The following ZC3H12D variants were observed in gnomAD, a reference collection of about 807,000 sequenced individuals.
The protein encoded by ZC3H12D is probable ribonuclease ZC3H12D.
Under a neutral mutation model 24.2 loss-of-function variants are expected in ZC3H12D, and 11 were observed. The observed-to-expected ratio is 0.46, with a 90% CI of 0.29 to 0.75. The LOEUF (loss-of-function observed/expected upper bound fraction) is 0.75, where lower values mean the gene tolerates loss of function less well. Ranked by LOEUF, ZC3H12D falls within the 30% of genes least tolerant of loss-of-function variation. ZC3H12D has a pLI of 0.11. For synonymous variants in ZC3H12D, 333 were observed against 341.8 expected (o/e 0.97, Z 0.28); for missense variants, 740 against 767.7 (o/e 0.96, Z 0.43).
intron 2 of ZC3H12D, among the ~76,000 whole-genome samples, chr6:149,465,340 T>TGA (rs1226488232): frequency 7.7e-6 from 1 of 130,034 alleles, no homozygotes; most frequent in Non-Finnish European, 1.6e-5. Flanking sequence ...GGTGACAGTG[T>TGA]GAGACTCTGT....
At chr6:149,473,441 C>A (rs546280856) in intron 2 of ZC3H12D, among the ~76,000 whole-genome samples, 1 of 152,190 alleles carries the variant, frequency 6.6e-6, no homozygotes, top group East Asian at 1.9e-4. Context: ...CAAAGCCAAG[C>A]GGTAGAATAA....
chr6:149,449,380 G>C lies in ZC3H12D; in HGVS notation c.*1303C>G, dbSNP rs1393960637. 1 of 152,278 alleles carries C rather than the reference G, an allele frequency of 6.6e-6. No individual in the cohort carries two copies. Among genetic ancestry groups the C allele is most frequent in the Non-Finnish European group, 1.5e-5 (1 of 68,160 alleles). 9.4% of individuals were successfully genotyped at this position (152,278 alleles called of 1,614,324 possible). On this transcript the variant is annotated 3_prime_UTR_variant, in exon 6 of 6. Coordinates refer to ENST00000409806, the MANE Select transcript of ZC3H12D (RefSeq NM_207360.3). ...GATCACTTGAATCCAGGAGTTTGAG[G>C]CTGCAGTGAGCTATGATCACACTAC...
At chr6:149,467,899 C>G (rs1273722816) in intron 2 of ZC3H12D, among the ~76,000 whole-genome samples, 2 of 152,134 alleles carry the variant, frequency 1.3e-5, no homozygotes, top group Non-Finnish European at 2.9e-5. Context: ...CCTTATTAAC[C>G]AACACTGTGA....
chr6:149,455,762 C>G lies in ZC3H12D; in HGVS notation c.680+904G>C, dbSNP rs1393421445. On this transcript the variant is annotated intron_variant, in intron 4 of 5. Coordinates refer to ENST00000409806, the MANE Select transcript of ZC3H12D (RefSeq NM_207360.3). ...CCAGAAGAAAAGATTCTGGGCTGGG[C>G]TCAGTGGCTGACACCTAAAATCTCA... Among the ~76,000 whole-genome samples, 15 of 152,168 alleles carry G rather than the reference C, an allele frequency of 9.9e-5. No homozygotes were observed. In the South Asian group the frequency reaches 3.1e-3, roughly 32 times the overall value.
rs747496600 is a variant in ZC3H12D at position 149,456,892 on chromosome 6, C to G, written c.454G>C (p.Val152Leu). The change falls in exon 4 of 6, where the codon GTG (valine) becomes CTG (leucine). Residue 152 changes from valine (V) to leucine (L), a missense_variant. Physicochemically the swap from Val to Leu is conservative, Grantham distance 32. Transcript: ENST00000409806. This position sits in a 1 kb window ranked among gnomAD's most constrained non-coding sequence, Gnocchi z 4.3. ...RADTPIREQH[V>L]LAELERQAVL... is the part of the protein sequence containing the mutation. ...GCCTGCCGCTCCAGCTCCGCCAGCACGTGCTGCTCTGAGGGCGGGGCGACG... is the reference window on the plus strand; with the variant it reads ...GCCTGCCGCTCCAGCTCCGCCAGCAGGTGCTGCTCTGAGGGCGGGGCGACG... 6.3e-7 allele frequency: 1 copy of G among 1,599,708 alleles called. No homozygotes were observed. Among genetic ancestry groups the G allele is most frequent in the Non-Finnish European group, 8.5e-7 (1 of 1,176,936 alleles).
chr6:149,454,273 C>T (rs1775945316), intron 4 of ZC3H12D, among the ~76,000 whole-genome samples: 1 of 152,226 alleles, frequency 6.6e-6, no homozygotes, highest in African/African-American at 2.4e-5. Flanking sequence ...TGAGTGAGGT[C>T]CACTTTTTAC....
intron 2 of ZC3H12D, among the ~76,000 whole-genome samples, chr6:149,472,610 G>A (rs1320491500): frequency 6.6e-6 from 1 of 152,100 alleles, no homozygotes; most frequent in East Asian, 1.9e-4. Flanking sequence ...GCAAACAGAG[G>A]ATGTGGCTTA....
Position 149,456,853 on chromosome 6 carries a change from T to A in ZC3H12D, c.493A>T (p.Thr165Ser), listed in dbSNP as rs1486689563. The A allele has an allele frequency of 6.2e-7, 1 of 1,608,318 alleles. No homozygotes were observed. Among genetic ancestry groups the A allele is most frequent in the African/African-American group, 1.3e-5 (1 of 75,036 alleles). ...TTGCCGTGCACCTTGCGGGACGGCGTGTACACCAGCACCGCCTGCCGCTCC... is the reference window on the plus strand; with the variant it reads ...TTGCCGTGCACCTTGCGGGACGGCGAGTACACCAGCACCGCCTGCCGCTCC... ...ELERQAVLVY[T>S]PSRKVHGKRL... The change falls in exon 4 of 6, where the codon ACG becomes TCG. Residue 165 changes from threonine (T) to serine (S), a missense_variant. Thr to Ser is a moderately conservative substitution (Grantham distance 58, BLOSUM62 1). Transcript: ENST00000409806. This position sits in a 1 kb window ranked among gnomAD's most constrained non-coding sequence, Gnocchi z 4.3.
rs771267621 is a variant in ZC3H12D at position 149,450,651 on chromosome 6, T to G, written c.*32A>C. 15 of 1,481,484 alleles carry G rather than the reference T, an allele frequency of 1.0e-5. No individual in the cohort carries two copies. In the South Asian group the frequency reaches 1.3e-4, roughly 13 times the overall value. 91.8% of individuals were successfully genotyped at this position (1,481,484 alleles called of 1,614,324 possible). On this transcript the variant is annotated 3_prime_UTR_variant, in exon 6 of 6. Transcript: ENST00000409806. ...ACCCGTCCAAGACGCAAGGCGAGGC[T>G]GGGCCATTCCCTGCAAGTGCGTGTT...
intron 1 of ZC3H12D, among the ~76,000 whole-genome samples, chr6:149,480,753 AC>A (rs1220241216): frequency 6.6e-6 from 1 of 151,906 alleles, no homozygotes; most frequent in Non-Finnish European, 1.5e-5. Flanking sequence ...AACAAAAAAA[AC>A]AAACAAAAAA....
chr6:149,448,063 G>C lies in ZC3H12D; in HGVS notation c.*2620C>G, dbSNP rs768224593. 6.6e-6 allele frequency: 1 copy of C among 152,100 alleles called. No individual in the cohort carries two copies. The highest frequency in any genetic ancestry group is 1.5e-5 in the Non-Finnish European group (1 of 68,044). 9.4% of individuals were successfully genotyped at this position (152,100 alleles called of 1,614,324 possible). On this transcript the variant is annotated 3_prime_UTR_variant, in exon 6 of 6. Transcript: ENST00000409806. ...TCCCAGCACTTTGGGAGGCTGAGGC[G>C]GGGATCACAAGGTCAGGAGATCGAG...
Position 149,452,534 on chromosome 6 carries a change from G to T in ZC3H12D, c.787+82C>A. Reference sequence around the variant, plus strand: ...AAGAGCCCAGGCCGCTGAGCACCAGGCCAGCGCTTTTTGACTGTGCTCCTG... The same window carrying T: ...AAGAGCCCAGGCCGCTGAGCACCAGTCCAGCGCTTTTTGACTGTGCTCCTG... On this transcript the variant is annotated intron_variant, in intron 5 of 5. Coordinates refer to ENST00000409806, the MANE Select transcript of ZC3H12D (RefSeq NM_207360.3). The surrounding 1 kb of genome is among the most constrained non-coding windows in gnomAD (Gnocchi z 4.0). 2 of 1,182,126 alleles carry T rather than the reference G, an allele frequency of 1.7e-6. No homozygotes were observed. Among genetic ancestry groups the T allele is most frequent in the Non-Finnish European group, 1.1e-6 (1 of 884,824 alleles). The allele number at this position is 1,182,126 out of a possible 1,614,324, so 73.2% of individuals were successfully genotyped here. A position where few individuals can be genotyped will look rare whatever the true frequency, so the allele number is the denominator to read the frequency against.
chr6:149,461,912 T>G lies in ZC3H12D; in HGVS notation c.364A>C (p.Arg122=). Residue 122 remains arginine (R), a synonymous_variant, in exon 3 of 6, where the codon AGG becomes CGG. Coordinates refer to ENST00000409806, the MANE Select transcript of ZC3H12D (RefSeq NM_207360.3). ...RGIKLAVDWF[R]DRGHTYIKVF... Reference sequence around the variant, plus strand: ...TTGATGTAGGTGTGTCCTCTGTCCCTGAACCAGTCAACAGCCAGCTTGATT... The same window carrying G: ...TTGATGTAGGTGTGTCCTCTGTCCCGGAACCAGTCAACAGCCAGCTTGATT... 1 of 1,610,532 alleles carries G rather than the reference T, an allele frequency of 6.2e-7. No individual in the cohort carries two copies.
intron 1 of ZC3H12D, among the ~76,000 whole-genome samples, chr6:149,476,565 T>TG: frequency 6.6e-6 from 1 of 152,156 alleles, no homozygotes; most frequent in South Asian, 2.1e-4. Flanking sequence ...CCCAATACCC[T>TG]GGGGGGCCGA....
chr6:149,483,586 G>T (rs774892959), intron 1 of ZC3H12D, among the ~76,000 whole-genome samples: 3 of 152,160 alleles, frequency 2.0e-5, no homozygotes, highest in African/African-American at 4.8e-5. Flanking sequence ...TACAGTATTT[G>T]TCCTTTTGTC....
intron 4 of ZC3H12D, among the ~76,000 whole-genome samples, chr6:149,455,048 C>G (rs967183088): frequency 6.6e-6 from 1 of 152,208 alleles, no homozygotes; most frequent in African/African-American, 2.4e-5. Context: ...CATTATTAAT[C>G]CCTTTTCAAG....
intron 4 of ZC3H12D, among the ~76,000 whole-genome samples, chr6:149,453,413 T>A (rs1775932591): frequency 1.3e-5 from 2 of 152,050 alleles, no homozygotes; most frequent in African/African-American, 4.8e-5. Context: ...TTGCCTGAGC[T>A]CAGGAGTTCA....
rs1775888589 is a variant in ZC3H12D at position 149,451,220 on chromosome 6, C to T, written c.1047G>A (p.Leu349=). 2 of 1,305,962 alleles carry T rather than the reference C, an allele frequency of 1.5e-6. No individual in the cohort carries two copies. Among genetic ancestry groups the T allele is most frequent in the East Asian group, 3.1e-5 (1 of 31,932 alleles). The allele number at this position is 1,305,962 out of a possible 1,614,324, so 80.9% of individuals were successfully genotyped here. The change falls in exon 6 of 6, where the codon CTG becomes CTA. Residue 349 remains leucine (L), a synonymous_variant. Coordinates refer to ENST00000409806, the MANE Select transcript of ZC3H12D (RefSeq NM_207360.3). ...GGGGCCCCAGGTCGTCGCTGAAGGC[C>T]AGCCGAGAGAAGCTCCCTCGCAGGG... is the stretch of plus-strand genomic sequence containing the variant. ...LAALRGSFSR[L]AFSDDLGPLG...
At position 149,456,622 on chromosome 6, in the gene ZC3H12D, C is replaced by CCCCCCCCCCCCCCCCCCCGGGTGGG; in HGVS notation, c.680+43_680+44insCCCACCCGGGGGGGGGGGGGGGGGG. 1 of 1,314,360 alleles carries CCCCCCCCCCCCCCCCCCCGGGTGGG rather than the reference C, an allele frequency of 7.6e-7. No individual in the cohort carries two copies. The allele number at this position is 1,314,360 out of a possible 1,614,324, so 81.4% of individuals were successfully genotyped here. A position where few individuals can be genotyped will look rare whatever the true frequency, so the allele number is the denominator to read the frequency against. ...GGCCACTGCCTCGACCCCGGCCCCC[C>CCCCCCCCCCCCCCCCCCCGGGTGGG]GCCCCGCCGCCCCCCAGGGTGTCAG... On this transcript the variant is annotated intron_variant, in intron 4 of 5. Coordinates refer to ENST00000409806, the MANE Select transcript of ZC3H12D (RefSeq NM_207360.3). The surrounding 1 kb of genome is among the most constrained non-coding windows in gnomAD (Gnocchi z 4.3).
Sources: gnomAD v4.1 joint callset for allele counts (sites outside exome capture counted in the v4.1 genomes callset) on GRCh38, gnomAD v4.1.1 for gene constraint, Gnocchi (gnomAD v3.1) non-coding constraint, MANE v1.5 for transcripts, NCBI Gene and HGNC (gene_info 2026-07-23, HGNC 2026-07-21) for gene names.